JPH1: variants seen among roughly 807,000 people sequenced by gnomAD.
The protein encoded by JPH1 is junctophilin-1.
JPH1 carries 12 observed loss-of-function variants against 53.6 expected under a neutral mutation model. The ratio of observed to expected loss-of-function variants is 0.22; its 90% CI spans 0.14 to 0.36. The LOEUF is 0.36. JPH1 is among the 10% of genes least tolerant of loss of function. The probability of loss-of-function intolerance (pLI) is 1.00; values close to 1 mark genes in which losing one functional copy is unlikely to be tolerated. For synonymous variants in JPH1, 375 were observed against 363.8 expected, an observed-to-expected ratio of 1.03 and a Z score of -0.35; for missense variants, 808 against 905.5, an observed-to-expected ratio of 0.89 and a Z score of 1.38.
chr8:74,254,445 T>C (rs1038868378), intron 3 of JPH1, among the ~76,000 whole-genome samples: 3 of 152,076 alleles, frequency 2.0e-5, no homozygotes, highest in Admixed American at 1.3e-4. Context: ...TCATACTGAA[T>C]GGGCAAAAAC....
At chr8:74,271,049 A>G (rs1280339645) in intron 2 of JPH1, among the ~76,000 whole-genome samples, 1 of 152,158 alleles carries the variant, frequency 6.6e-6, no homozygotes, top group Non-Finnish European at 1.5e-5. Context: ...CGAGGTTCAG[A>G]CTGAGTCCAA....
At chr8:74,238,182 T>TA (rs1266915647) in intron 4 of JPH1, among the ~76,000 whole-genome samples, 2 of 152,218 alleles carry the variant, frequency 1.3e-5, no homozygotes, top group Admixed American at 1.3e-4. Context: ...TAGGTAGTTT[T>TA]ATTGTCCTCA....
intron 2 of JPH1, among the ~76,000 whole-genome samples, chr8:74,273,183 T>A (rs762592448): frequency 2.6e-5 from 4 of 152,226 alleles, no homozygotes. Flanking sequence ...ATCCCTTGTA[T>A]AATGAAAAAT....
intron 2 of JPH1, among the ~76,000 whole-genome samples, chr8:74,276,274 T>C (rs1001752910): frequency 6.6e-6 from 1 of 152,178 alleles, no homozygotes; most frequent in Admixed American, 6.5e-5. Context: ...ATGTCTACAC[T>C]AGCCATAGGA....
intron 2 of JPH1, among the ~76,000 whole-genome samples, chr8:74,292,155 C>A (rs1299276018): frequency 6.6e-6 from 1 of 151,972 alleles, no homozygotes; most frequent in Non-Finnish European, 1.5e-5. Flanking sequence ...GCACATGTAC[C>A]CTAGAACTTA....
At chr8:74,302,207 AAC>A (rs1387242521) in intron 2 of JPH1, among the ~76,000 whole-genome samples, 1 of 152,272 alleles carries the variant, frequency 6.6e-6, no homozygotes, top group Non-Finnish European at 1.5e-5. Flanking sequence ...ACCAGTGCAT[AAC>A]ACACTTAGGG....
At chr8:74,262,721 A>G (rs1020423482) in intron 2 of JPH1, among the ~76,000 whole-genome samples, 18 of 152,206 alleles carry the variant, frequency 1.2e-4, no homozygotes, top group Admixed American at 3.3e-4. Context: ...CGAATTTTTA[A>G]CTTGTGAAGA....
At chr8:74,304,079 G>A (rs75083768) in intron 2 of JPH1, among the ~76,000 whole-genome samples, 1 of 152,154 alleles carries the variant, frequency 6.6e-6, no homozygotes, top group Non-Finnish European at 1.5e-5. Context: ...TCTGGATGCA[G>A]CCTGCAGACA....
At chr8:74,243,927 G>T (rs1476431585) in intron 4 of JPH1, among the ~76,000 whole-genome samples, 3 of 152,158 alleles carry the variant, frequency 2.0e-5, no homozygotes, top group Non-Finnish European at 2.9e-5. Flanking sequence ...ACTTTGAAAA[G>T]ACAGAAGACC....
intron 2 of JPH1, among the ~76,000 whole-genome samples, chr8:74,294,717 A>G (rs1466476489): frequency 6.6e-6 from 1 of 152,240 alleles, no homozygotes; most frequent in Admixed American, 6.5e-5. Flanking sequence ...AAGGCACCAA[A>G]ATGTGTACTT....
intron 2 of JPH1, among the ~76,000 whole-genome samples, chr8:74,269,637 A>T (rs1385988253): frequency 2.6e-5 from 4 of 152,230 alleles, no homozygotes; most frequent in African/African-American, 9.6e-5. Context: ...CACTTATTAT[A>T]AAACACTGTT....
intron 3 of JPH1, among the ~76,000 whole-genome samples, chr8:74,250,167 C>T (rs1805999274): frequency 6.7e-6 from 1 of 149,188 alleles, no homozygotes; most frequent in Admixed American, 6.7e-5. Context: ...CGGAGTCTTG[C>T]TCTGTCACCC....
intron 3 of JPH1, among the ~76,000 whole-genome samples, chr8:74,253,867 C>T (rs1409335826): frequency 6.6e-6 from 1 of 152,000 alleles, no homozygotes; most frequent in Non-Finnish European, 1.5e-5. Flanking sequence ...TCTGACTAGA[C>T]CAATAACAGG....
intron 3 of JPH1, among the ~76,000 whole-genome samples, chr8:74,257,936 G>A (rs1806284649): frequency 6.6e-6 from 1 of 152,010 alleles, no homozygotes; most frequent in East Asian, 1.9e-4. Context: ...TTCTTTGCCT[G>A]GCCTTTTACT....
intron 3 of JPH1, among the ~76,000 whole-genome samples, chr8:74,248,847 C>A (rs1453390601): frequency 6.6e-6 from 1 of 152,172 alleles, no homozygotes; most frequent in African/African-American, 2.4e-5. Flanking sequence ...TGATGAGATG[C>A]AGCGGTTCAT....
rs1808272859 is a variant in JPH1, at chr8:74,320,145, T to C, written c.379+764A>G. 6.6e-6 allele frequency among the ~76,000 whole-genome samples: 1 copy of C among 152,208 alleles called. No individual in the cohort carries two copies. Among genetic ancestry groups the C allele is most frequent in the African/African-American group, 2.4e-5 (1 of 41,454 alleles). Reference sequence around the variant, plus strand: ...CCTGCTAATTGTATTCTTTAAAATGTAGACTTCATTACCCATTTCTAAAAT... The same window carrying C: ...CCTGCTAATTGTATTCTTTAAAATGCAGACTTCATTACCCATTTCTAAAAT... On this transcript the variant is annotated intron_variant, in intron 1 of 5. Coordinates refer to ENST00000342232, the MANE Select transcript of JPH1 (RefSeq NM_020647.4). The surrounding 1 kb of genome is among the most constrained non-coding windows in gnomAD (Gnocchi z 4.4).
chr8:74,309,317 C>A (rs956663180), intron 2 of JPH1, among the ~76,000 whole-genome samples: 1 of 152,236 alleles, frequency 6.6e-6, no homozygotes, highest in African/African-American at 2.4e-5. Context: ...AACCTCCTCA[C>A]TTTATAGTAT....
chr8:74,251,222 T>A (rs993043720), intron 3 of JPH1, among the ~76,000 whole-genome samples: 6 of 152,228 alleles, frequency 3.9e-5, no homozygotes, highest in Admixed American at 3.9e-4. Flanking sequence ...AGTGTTGGGA[T>A]GAACACTGCC....
chr8:74,321,316 C>T lies in JPH1; in HGVS notation c.-29G>A, dbSNP rs1344114122. The T allele has an allele frequency of 6.6e-7, 1 of 1,508,834 alleles. No homozygotes were observed. The highest frequency in any genetic ancestry group is 8.9e-7 in the Non-Finnish European group (1 of 1,128,428). 93.5% of individuals were successfully genotyped at this position (1,508,834 alleles called of 1,614,324 possible). ...GGGGGCAGCCCCGGCGCGCTCCCCG[C>T]AGGGGCACGGACGCGGGCAGTGCTG... On this transcript the variant is annotated 5_prime_UTR_variant, in exon 1 of 6. Transcript: ENST00000342232. This position sits in a 1 kb window ranked among gnomAD's most constrained non-coding sequence, Gnocchi z 4.3.
Sources: gnomAD v4.1 joint callset for allele counts (sites outside exome capture counted in the v4.1 genomes callset) on GRCh38, gnomAD v4.1.1 for gene constraint, Gnocchi (gnomAD v3.1) non-coding constraint, MANE v1.5 for transcripts, NCBI Gene and HGNC (gene_info 2026-07-23, HGNC 2026-07-21) for gene names.